ARMH1: variants seen among roughly 807,000 people sequenced by gnomAD.
ARMH1 encodes the protein armadillo-like helical domain containing protein 1.
ARMH1 carries 34 observed loss-of-function variants against 50.2 expected under a neutral mutation model. The observed-to-expected ratio is 0.68, with a 90% CI of 0.51 to 0.90. ARMH1 has a LOEUF of 0.90. Among genes scored for constraint, ARMH1 ranks in the 40% least tolerant of loss-of-function variants. The pLI, the probability that ARMH1 is intolerant of heterozygous loss-of-function variation, is 0.00. For missense variants in ARMH1, 538 were observed against 553.9 expected (o/e 0.97, Z 0.29); for synonymous variants, 221 against 224.2 (o/e 0.99, Z 0.13).
At chr1:44,706,968 C>T (rs1299063162) in intron 6 of ARMH1, among the ~76,000 whole-genome samples, 2 of 152,268 alleles carry the variant, frequency 1.3e-5, no homozygotes, top group African/African-American at 4.8e-5. Flanking sequence ...AACTTGCCCA[C>T]TCCTCCTCAT....
chr1:44,695,601 G>A (rs530920732), intron 2 of ARMH1, among the ~76,000 whole-genome samples: 137 of 152,090 alleles, frequency 9.0e-4, no homozygotes, highest in African/African-American at 3.2e-3. Flanking sequence ...ACCAGCCTGG[G>A]CAACATAGCA....
At chr1:44,676,927 G>A (rs1215454982) in intron 1 of ARMH1, among the ~76,000 whole-genome samples, 1 of 152,058 alleles carries the variant, frequency 6.6e-6, no homozygotes, top group African/African-American at 2.4e-5. Flanking sequence ...ACTGAGAATG[G>A]TGCCCTTGAA....
chr1:44,716,322 TG>T lies in ARMH1; in HGVS notation c.725-7799del, dbSNP rs1408346571. 5.9e-5 allele frequency among the ~76,000 whole-genome samples: 9 copies of T among 152,236 alleles called. 1 individual carries two copies. The highest frequency in any genetic ancestry group is 7.2e-5 in the African/African-American group (3 of 41,460). On this transcript the variant is annotated intron_variant, in intron 6 of 11. Transcript: ENST00000535358. ...TTAACTCTATGCTGGATACTGCCCT[TG>T]ATCTTTACTCATTTACCCCTCACAG... is the stretch of plus-strand genomic sequence containing the variant.
Position 44,724,729 on chromosome 1 carries a change from CCGCAGTCACGCCGCCTCGCCCGCGCGG to C in ARMH1, c.1051-26_1051del. The stretch of plus-strand genomic sequence containing the variant: ...GGCGGCACCCGCAGCCCCGTCGCCC[CCGCAGTCACGCCGCCTCGCCCGCGCGG>C]CGCAGTGCTTCGTGCAGATGTTCCC... On this transcript the variant is annotated splice_region_variant and splice_polypyrimidine_tract_variant and intron_variant, in intron 9 of 11. Coordinates refer to ENST00000535358, the MANE Select transcript of ARMH1 (RefSeq NM_001145636.2). The surrounding 1 kb of genome is among the most constrained non-coding windows in gnomAD (Gnocchi z 6.4). The C allele has an allele frequency of 1.3e-6, 2 of 1,511,512 alleles. No individual in the cohort carries two copies. Among genetic ancestry groups the C allele is most frequent in the Non-Finnish European group, 1.8e-6 (2 of 1,134,858 alleles). 93.6% of individuals were successfully genotyped at this position (1,511,512 alleles called of 1,614,324 possible).
intron 1 of ARMH1, chr1:44,684,454 G>A (rs1645405111): frequency 1.3e-5 from 2 of 152,168 alleles, no homozygotes; most frequent in Admixed American, 6.5e-5. Flanking sequence ...ATGGAAGGAG[G>A]CAACAGGAGA....
At chr1:44,707,486 G>A (rs186758454) in intron 6 of ARMH1, among the ~76,000 whole-genome samples, 6 of 152,200 alleles carry the variant, frequency 3.9e-5, no homozygotes, top group East Asian at 3.9e-4. Flanking sequence ...CTGGAGCACC[G>A]TAGCACAGTC....
At position 44,724,752 on chromosome 1, in the gene ARMH1, C is replaced by G. The variant is rs1175326816; in HGVS notation, c.1051-10C>G. On this transcript the variant is annotated splice_polypyrimidine_tract_variant and intron_variant, in intron 9 of 11. Coordinates refer to ENST00000535358, the MANE Select transcript of ARMH1 (RefSeq NM_001145636.2). The surrounding 1 kb of genome is among the most constrained non-coding windows in gnomAD (Gnocchi z 6.4). ...CCCCGCAGTCACGCCGCCTCGCCCG[C>G]GCGGCGCAGTGCTTCGTGCAGATGT... 1 of 1,534,534 alleles carries G rather than the reference C, an allele frequency of 6.5e-7. No individual in the cohort carries two copies. The highest frequency in any genetic ancestry group is 8.7e-7 in the Non-Finnish European group (1 of 1,143,508).
intron 1 of ARMH1, among the ~76,000 whole-genome samples, chr1:44,675,447 A>C (rs1480264531): frequency 6.6e-6 from 1 of 152,110 alleles, no homozygotes; most frequent in Non-Finnish European, 1.5e-5. Context: ...AATGGCTTGA[A>C]GGAGTTCAAG....
chr1:44,678,410 G>A (rs1409609034), intron 1 of ARMH1, among the ~76,000 whole-genome samples: 2 of 152,052 alleles, frequency 1.3e-5, no homozygotes, highest in Non-Finnish European at 2.9e-5. Context: ...AGGAAAAGGT[G>A]GGGGCAGATG....
intron 6 of ARMH1, chr1:44,721,657 A>G (rs1037994827): frequency 6.6e-6 from 1 of 152,222 alleles, no homozygotes; most frequent in Non-Finnish European, 1.5e-5. Context: ...TGAGCATGGG[A>G]GATGGAGGTT....
chr1:44,722,292 A>C (rs938969346), intron 6 of ARMH1, among the ~76,000 whole-genome samples: 1 of 152,084 alleles, frequency 6.6e-6, no homozygotes, highest in Admixed American at 6.6e-5. Context: ...AGTGACTCAC[A>C]CCTGTAATCC....
At chr1:44,704,834 CTTT>C (rs34632415) in intron 6 of ARMH1, among the ~76,000 whole-genome samples, 5 of 124,326 alleles carry the variant, frequency 4.0e-5, no homozygotes, top group Admixed American at 8.3e-5. Flanking sequence ...TTATTGAGAA[CTTT>C]TTTTTTTTTT....
chr1:44,675,263 G>A (rs1387957259), intron 1 of ARMH1, among the ~76,000 whole-genome samples: 1 of 152,116 alleles, frequency 6.6e-6, no homozygotes, highest in Non-Finnish European at 1.5e-5. Flanking sequence ...TACTACAGAA[G>A]AGTAAGGATT....
At chr1:44,721,825 A>G (rs570016622) in intron 6 of ARMH1, 4 of 152,126 alleles carry the variant, frequency 2.6e-5, no homozygotes, top group East Asian at 1.9e-4. Context: ...TTAACCATAA[A>G]CTCATAGTTG....
chr1:44,717,069 G>A (rs1003123317), intron 6 of ARMH1, among the ~76,000 whole-genome samples: 9 of 151,882 alleles, frequency 5.9e-5, no homozygotes, highest in Non-Finnish European at 1.3e-4. Context: ...CAGGCTGGTC[G>A]TGAACTCCTG....
intron 11 of ARMH1, 30 bp from the exon 12 acceptor site, chr1:44,725,261 C>T (rs997169593): frequency 7.2e-5 from 111 of 1,551,682 alleles, no homozygotes; most frequent in Non-Finnish European, 8.3e-5. Flanking sequence ...GCCGCCAGCA[C>T]AGCCTCACGC....
In ARMH1 at chr1:44,702,653, A is replaced by G. The variant is rs1646136739; in HGVS notation, c.640-1436A>G. On this transcript the variant is annotated intron_variant, in intron 5 of 11. Coordinates refer to ENST00000535358, the MANE Select transcript of ARMH1 (RefSeq NM_001145636.2). ...CTTGAATCCAGGAGGCGGAGGTTGCAGTGAGCCAAGATTGTGCCACTGCAC... is the reference window on the plus strand; with the variant it reads ...CTTGAATCCAGGAGGCGGAGGTTGCGGTGAGCCAAGATTGTGCCACTGCAC... Among the ~76,000 whole-genome samples, 6 of 143,230 alleles carry G rather than the reference A, an allele frequency of 4.2e-5. No homozygotes were observed. The Admixed American group carries it at 4.5e-4, about 11-fold the overall frequency. The allele number at this position is 143,230 out of a possible 152,430, so 94.0% of individuals were successfully genotyped here.
rs1363184553 is a variant in ARMH1 at position 44,682,886 on chromosome 1, G to A, written c.-22-6790G>A. 6.6e-6 allele frequency among the ~76,000 whole-genome samples: 1 copy of A among 152,216 alleles called. No individual in the cohort carries two copies. Among genetic ancestry groups the A allele is most frequent in the Non-Finnish European group, 1.5e-5 (1 of 68,028 alleles). ...GCCCAGGCGATTGAGGCTGCGGTAAGTTATGATTGTGCCACTGCACTCCAG... is the reference window on the plus strand; with the variant it reads ...GCCCAGGCGATTGAGGCTGCGGTAAATTATGATTGTGCCACTGCACTCCAG... On this transcript the variant is annotated intron_variant, in intron 1 of 11. Coordinates refer to ENST00000535358, the MANE Select transcript of ARMH1 (RefSeq NM_001145636.2). This position sits in a 1 kb window ranked among gnomAD's most constrained non-coding sequence, Gnocchi z 4.5.
chr1:44,675,812 T>A (rs1031421302), intron 1 of ARMH1, among the ~76,000 whole-genome samples: 2 of 151,744 alleles, frequency 1.3e-5, no homozygotes, highest in Non-Finnish European at 2.9e-5. Flanking sequence ...ATACAAAAAT[T>A]AGCCGGGCAT....
Sources: gnomAD v4.1 joint callset for allele counts (sites outside exome capture counted in the v4.1 genomes callset) on GRCh38, gnomAD v4.1.1 for gene constraint, Gnocchi (gnomAD v3.1) non-coding constraint, MANE v1.5 for transcripts, NCBI Gene and HGNC (gene_info 2026-07-23, HGNC 2026-07-21) for gene names.